The following OSBPL10 variants were observed in gnomAD, a reference collection of about 807,000 sequenced individuals.
OSBPL10 encodes oxysterol-binding protein-related protein 10.
OSBPL10 carries 49 observed loss-of-function variants against 81.7 expected under a neutral mutation model. That is an observed-to-expected ratio of 0.60 (90% CI 0.48 to 0.76). OSBPL10 has a LOEUF of 0.76. OSBPL10 is among the 30% of genes least tolerant of loss of function. The pLI, the probability that OSBPL10 is intolerant of heterozygous loss-of-function variation, is 0.00. For synonymous variants in OSBPL10, 419 were observed against 383.6 expected (o/e 1.09, Z -1.08); for missense variants, 923 against 987.8 (o/e 0.93, Z 0.88).
chr3:31,879,055 T>C (rs559579877), intron 2 of OSBPL10, among the ~76,000 whole-genome samples: 1 of 152,174 alleles, frequency 6.6e-6, no homozygotes, highest in South Asian at 2.1e-4. Context: ...TGGAAAGTCA[T>C]CCTCATTTCC....
intron 4 of OSBPL10, among the ~76,000 whole-genome samples, chr3:31,818,298 G>A (rs959244001): frequency 6.6e-6 from 1 of 152,116 alleles, no homozygotes; most frequent in Non-Finnish European, 1.5e-5. Context: ...CAATTATGAT[G>A]GCAGTCATCT....
At chr3:31,745,053 G>C (rs1697479317) in intron 5 of OSBPL10, among the ~76,000 whole-genome samples, 1 of 152,208 alleles carries the variant, frequency 6.6e-6, no homozygotes, top group Non-Finnish European at 1.5e-5. Context: ...AATGTCAAAA[G>C]CCTCATTGAG....
chr3:31,782,695 C>T (rs1698728094), intron 4 of OSBPL10, among the ~76,000 whole-genome samples: 4 of 152,148 alleles, frequency 2.6e-5, no homozygotes, highest in Admixed American at 2.6e-4. Context: ...AAATGCTCAG[C>T]ATCACTAATT....
intron 1 of OSBPL10, among the ~76,000 whole-genome samples, chr3:31,952,845 G>T (rs1444045731): frequency 6.6e-6 from 1 of 151,986 alleles, no homozygotes; most frequent in African/African-American, 2.4e-5. Flanking sequence ...ACTTTAAACT[G>T]TGGCTGTCGG....
chr3:31,667,293 A>C (rs1246665945), intron 10 of OSBPL10, among the ~76,000 whole-genome samples: 1 of 152,218 alleles, frequency 6.6e-6, no homozygotes, highest in African/African-American at 2.4e-5. Context: ...GGATGGACTG[A>C]AAAAGACAAC....
chr3:31,931,574 T>C (rs1216136119), intron 1 of OSBPL10, among the ~76,000 whole-genome samples: 1 of 152,236 alleles, frequency 6.6e-6, no homozygotes, highest in African/African-American at 2.4e-5. Flanking sequence ...CCACGCTCCT[T>C]GTCTTGGCAT....
chr3:32,020,491 C>A (rs1243524456), intron 2 of OSBPL10, among the ~76,000 whole-genome samples: 1 of 152,072 alleles, frequency 6.6e-6, no homozygotes, highest in African/African-American at 2.4e-5. Flanking sequence ...CTTTTTATTT[C>A]TAAATAGAAT....
rs17028018 is a variant in OSBPL10, at chr3:31,702,549, T to C, written c.1096-41A>G. On this transcript the variant is annotated intron_variant, in intron 6 of 11. Transcript: ENST00000396556. ...CAATAAAAATCACCAGCTGGCCCAA[T>C]AGAAGTTAGAAATAAAGTGTATGAA... The C allele has an allele frequency of 6.0e-3, 9,725 of 1,610,370 alleles. 516 individuals are homozygous for C. In the African/African-American group the frequency reaches 0.11, roughly 19 times the overall value.
At chr3:31,700,660 G>A (rs957995883) in intron 7 of OSBPL10, among the ~76,000 whole-genome samples, 7 of 152,152 alleles carry the variant, frequency 4.6e-5, no homozygotes, top group Admixed American at 1.3e-4. Flanking sequence ...AATGGTTCAT[G>A]ACCCAGTTTG....
intron 2 of OSBPL10, chr3:31,989,066 A>C (rs1379101495): frequency 6.2e-7 from 1 of 1,613,818 alleles, no homozygotes; most frequent in Non-Finnish European, 8.5e-7. Context: ...AGCACTATTG[A>C]TTTCTAAAGA....
chr3:32,051,962 G>C (rs1699672685), intron 1 of OSBPL10, among the ~76,000 whole-genome samples: 1 of 152,038 alleles, frequency 6.6e-6, no homozygotes, highest in South Asian at 2.1e-4. Flanking sequence ...CAAGATTATT[G>C]GTAGGCCGGG....
intron 3 of OSBPL10, among the ~76,000 whole-genome samples, chr3:31,834,934 T>C (rs752280146): frequency 3.3e-5 from 5 of 152,144 alleles, no homozygotes; most frequent in Non-Finnish European, 5.9e-5. Context: ...AGTTTAATAT[T>C]ACCTACTTCA....
intron 6 of OSBPL10, among the ~76,000 whole-genome samples, chr3:31,709,900 G>A (rs1696196710): frequency 6.6e-6 from 1 of 152,158 alleles, no homozygotes; most frequent in African/African-American, 2.4e-5. Context: ...ACCAAATCCA[G>A]CGCTGAATTA....
chr3:31,948,377 C>T (rs901117135), intron 1 of OSBPL10, among the ~76,000 whole-genome samples: 4 of 152,108 alleles, frequency 2.6e-5, no homozygotes, highest in African/African-American at 7.2e-5. Context: ...TCTGAAAAGC[C>T]TTGAGCATGG....
At chr3:32,008,444 C>T (rs1423341801) in intron 2 of OSBPL10, among the ~76,000 whole-genome samples, 5 of 151,742 alleles carry the variant, frequency 3.3e-5, no homozygotes, top group South Asian at 2.1e-4. Flanking sequence ...TGAGCCACCG[C>T]GTCCAGCCTG....
intron 1 of OSBPL10, among the ~76,000 whole-genome samples, chr3:31,944,266 C>T (rs1248111897): frequency 6.6e-6 from 1 of 152,012 alleles, no homozygotes; most frequent in African/African-American, 2.4e-5. Context: ...AAAAGTCATA[C>T]CAATCTATAT....
chr3:31,695,872 G>C (rs1695706591), intron 7 of OSBPL10, among the ~76,000 whole-genome samples: 1 of 152,104 alleles, frequency 6.6e-6, no homozygotes, highest in Non-Finnish European at 1.5e-5. Flanking sequence ...AGTCCAGAGA[G>C]AAGGTTCACT....
chr3:32,027,407 AGG>A (rs1699426930), intron 2 of OSBPL10, among the ~76,000 whole-genome samples: 2 of 152,226 alleles, frequency 1.3e-5, no homozygotes, highest in African/African-American at 2.4e-5. Flanking sequence ...GGCACAGAGA[AGG>A]GGAGAGGAAT....
chr3:31,852,126 G>A (rs769691793), intron 3 of OSBPL10, among the ~76,000 whole-genome samples: 1 of 152,214 alleles, frequency 6.6e-6, no homozygotes, highest in Non-Finnish European at 1.5e-5. Context: ...CCCTAGCCAT[G>A]TGGCCATTTA....
Sources: allele counts gnomAD v4.1 joint callset (sites outside exome capture counted in the v4.1 genomes callset), GRCh38; gene constraint gnomAD v4.1.1; transcripts MANE v1.5; gene names NCBI Gene and HGNC (gene_info 2026-07-23, HGNC 2026-07-21).